GMPR: variants seen among roughly 807,000 people sequenced by gnomAD.
The protein encoded by GMPR is guanosine monophosphate reductase, also known as GMP reductase 1.
A neutral mutation model predicts 38.4 loss-of-function variants in GMPR; 31 were observed. The ratio of observed to expected loss-of-function variants is 0.81; its 90% CI spans 0.61 to 1.09. The LOEUF is 1.09. Among genes scored for constraint, GMPR ranks in the 50% least tolerant of loss-of-function variants. GMPR has a pLI of 0.00. For missense variants in GMPR, 468 were observed against 453.7 expected, an observed-to-expected ratio of 1.03 and a Z score of -0.29; for synonymous variants, 162 against 173.3, an observed-to-expected ratio of 0.93 and a Z score of 0.51.
chr6:16,276,336 A>AT (rs1759471396), intron 5 of GMPR, among the ~76,000 whole-genome samples: 1 of 151,760 alleles, frequency 6.6e-6, no homozygotes, highest in Non-Finnish European at 1.5e-5. Context: ...TGCCCAGCTA[A>AT]TTTTTTGTAC....
chr6:16,265,789 A>G (rs986943906), intron 4 of GMPR, among the ~76,000 whole-genome samples: 1 of 151,884 alleles, frequency 6.6e-6, no homozygotes, highest in Admixed American at 6.7e-5. Flanking sequence ...TGCTGGAGCC[A>G]GCCCGGATAA....
At chr6:16,267,964 C>G (rs1759298748) in intron 4 of GMPR, among the ~76,000 whole-genome samples, 1 of 152,220 alleles carries the variant, frequency 6.6e-6, no homozygotes, top group African/African-American at 2.4e-5. Flanking sequence ...TCTCAAGGTT[C>G]TGAGCCACAC....
At chr6:16,290,210 G>A (rs1329116097) in intron 7 of GMPR, 8 of 442,084 alleles carry the variant, frequency 1.8e-5, no homozygotes, top group Admixed American at 9.9e-5. Context: ...CATTCAGCAT[G>A]GTCCAGTATA....
chr6:16,247,105 G>C, intron 2 of GMPR, 144 bp downstream of exon 2: 1 of 718,026 alleles, frequency 1.4e-6, no homozygotes, highest in South Asian at 2.0e-5. Context: ...CCTTCAATCA[G>C]AAAGTGGACG....
At chr6:16,289,780 G>C (rs1052943417) in intron 7 of GMPR, among the ~76,000 whole-genome samples, 2 of 151,332 alleles carry the variant, frequency 1.3e-5, no homozygotes, top group African/African-American at 2.4e-5. Flanking sequence ...GACACCTGAG[G>C]GGGTATCATA....
chr6:16,250,517 A>G (rs1758851488), intron 3 of GMPR, 150 bp downstream of exon 3: 1 of 638,370 alleles, frequency 1.6e-6, no homozygotes, highest in Admixed American at 2.5e-5. Flanking sequence ...TTGCTGAGAA[A>G]ACTTGTTTCC....
chr6:16,269,217 T>G (rs955570105), intron 4 of GMPR, among the ~76,000 whole-genome samples: 1 of 151,934 alleles, frequency 6.6e-6, no homozygotes, highest in Non-Finnish European at 1.5e-5. Flanking sequence ...TTTGTAAACC[T>G]TTTAAGGACT....
intron 2 of GMPR, among the ~76,000 whole-genome samples, chr6:16,249,174 T>C (rs1758817225): frequency 2.7e-5 from 4 of 147,256 alleles, no homozygotes; most frequent in Admixed American, 2.7e-4. Context: ...TAATTTTTTT[T>C]TTTTTTTTTT....
intron 7 of GMPR, among the ~76,000 whole-genome samples, chr6:16,289,310 C>A (rs569667347): frequency 6.6e-6 from 1 of 152,188 alleles, no homozygotes; most frequent in Non-Finnish European, 1.5e-5. Context: ...CCCACCAGTT[C>A]CGAACACAGT....
intron 6 of GMPR, among the ~76,000 whole-genome samples, chr6:16,283,606 C>T (rs992126190): frequency 6.6e-6 from 1 of 152,118 alleles, no homozygotes; most frequent in Non-Finnish European, 1.5e-5. Context: ...CTTTGCAATA[C>T]GCCATACAGT....
Position 16,267,489 on chromosome 6 carries a change from G to GT in GMPR, c.466-6925dup, listed in dbSNP as rs1364053364. ...CCGGACGGTGCCACTTTTAAGAGCT[G>GT]TAACACTCACTGCAAAGGTCTGCGG... On this transcript the variant is annotated intron_variant, in intron 4 of 8. Coordinates refer to ENST00000259727, the MANE Select transcript of GMPR (RefSeq NM_006877.4). Among the ~76,000 whole-genome samples, 19 of 152,254 alleles carry GT rather than the reference G, an allele frequency of 1.2e-4. 1 individual carries two copies.
chr6:16,284,920 G>C (rs1759646103), intron 6 of GMPR, among the ~76,000 whole-genome samples: 1 of 151,166 alleles, frequency 6.6e-6, no homozygotes, highest in Non-Finnish European at 1.5e-5. Flanking sequence ...TCAGGAGGCT[G>C]AGGCAGGAGA....
At chr6:16,265,123 A>G (rs939387460) in intron 4 of GMPR, among the ~76,000 whole-genome samples, 1 of 152,134 alleles carries the variant, frequency 6.6e-6, no homozygotes, top group Admixed American at 6.5e-5. Flanking sequence ...TTCTTTGTTA[A>G]AAAAAAGTTT....
At position 16,238,714 on chromosome 6, in the gene GMPR, C is replaced by T; in HGVS notation, c.21C>T (p.Asp7=). MPRIDA[D]LKLDFKDVLL... Reference sequence around the variant, plus strand: ...GCACCATGCCCCGCATAGATGCGGACCTCAAGCTCGACTTCAAGGATGTCC... The same window carrying T: ...GCACCATGCCCCGCATAGATGCGGATCTCAAGCTCGACTTCAAGGATGTCC... The change falls in exon 1 of 9, where the codon GAC becomes GAT. Residue 7 remains aspartate, a synonymous_variant. Coordinates refer to ENST00000259727, the MANE Select transcript of GMPR (RefSeq NM_006877.4). 2 of 1,440,802 alleles carry T rather than the reference C, an allele frequency of 1.4e-6. No individual in the cohort carries two copies. The highest frequency in any genetic ancestry group is 1.8e-6 in the Non-Finnish European group (2 of 1,084,376). The allele number at this position is 1,440,802 out of a possible 1,614,324, so 89.3% of individuals were successfully genotyped here.
intron 8 of GMPR, among the ~76,000 whole-genome samples, chr6:16,292,305 G>C (rs774385160): frequency 1.8e-4 from 28 of 152,084 alleles, no homozygotes; most frequent in Non-Finnish European, 3.4e-4. Flanking sequence ...GGGGGGATTG[G>C]GGGGAGTGGG....
intron 4 of GMPR, among the ~76,000 whole-genome samples, chr6:16,272,979 T>G (rs1183376022): frequency 1.3e-5 from 2 of 152,208 alleles, no homozygotes; most frequent in Non-Finnish European, 2.9e-5. Flanking sequence ...TTAGTTTTTA[T>G]GTAGACAGCT....
At chr6:16,267,341 C>A (rs1025743631) in intron 4 of GMPR, among the ~76,000 whole-genome samples, 1 of 151,910 alleles carries the variant, frequency 6.6e-6, no homozygotes, top group Admixed American at 6.6e-5. Context: ...CACTGCACTC[C>A]GGCCTGGGTG....
rs1199152124 is a variant in GMPR at position 16,278,767 on chromosome 6, C to T, written c.548-17C>T. 7 of 1,575,464 alleles carry T rather than the reference C, an allele frequency of 4.4e-6. No individual in the cohort carries two copies. Among genetic ancestry groups the T allele is most frequent in the Non-Finnish European group, 6.1e-6 (7 of 1,144,638 alleles). ...TGTATAACCATCTATTTGGGGACAACTTCTTTCTCTGTGCAGGTTCTGTGT... is the reference window on the plus strand; with the variant it reads ...TGTATAACCATCTATTTGGGGACAATTTCTTTCTCTGTGCAGGTTCTGTGT... On this transcript the variant is annotated splice_polypyrimidine_tract_variant and intron_variant, in intron 5 of 8. Coordinates refer to ENST00000259727, the MANE Select transcript of GMPR (RefSeq NM_006877.4).
rs376976957 is a variant in GMPR at position 16,246,995 on chromosome 6, T to G, written c.207+34T>G. On this transcript the variant is annotated intron_variant, in intron 2 of 8. Transcript: ENST00000259727. Reference sequence around the variant, plus strand: ...GTAGGCTTTTGTTTTTTCCCTTTGCTGCTCACACTGTGGACAGGTTATCAG... The same window carrying G: ...GTAGGCTTTTGTTTTTTCCCTTTGCGGCTCACACTGTGGACAGGTTATCAG... The G allele has an allele frequency of 1.9e-6, 3 of 1,607,032 alleles. No homozygotes were observed. In the African/African-American group the frequency reaches 4.0e-5, roughly 22 times the overall value.
Sources: allele counts gnomAD v4.1 joint callset (sites outside exome capture counted in the v4.1 genomes callset), GRCh38; gene constraint gnomAD v4.1.1; transcripts MANE v1.5; gene names NCBI Gene and HGNC (gene_info 2026-07-23, HGNC 2026-07-21).